CRLF1: variants seen among roughly 807,000 people sequenced by gnomAD.
The protein encoded by CRLF1 is cytokine receptor like factor 1.
CRLF1 carries 36 observed loss-of-function variants against 48.9 expected under a neutral mutation model. The ratio of observed to expected loss-of-function variants is 0.74; its 90% CI spans 0.56 to 0.97. CRLF1 has a LOEUF of 0.97. Among genes scored for constraint, CRLF1 ranks in the 50% least tolerant of loss-of-function variants. The probability of loss-of-function intolerance (pLI) is 0.00; values close to 1 mark genes in which losing one functional copy is unlikely to be tolerated. For synonymous variants in CRLF1, 256 were observed against 253.4 expected (o/e 1.01, Z -0.10); for missense variants, 534 against 575.1 (o/e 0.93, Z 0.73).
Position 18,593,594 on chromosome 19 carries a change from G to A in CRLF1, c.1256-15C>T, listed in dbSNP as rs776903837. The A allele has an allele frequency of 2.5e-6, 4 of 1,604,688 alleles. No individual in the cohort carries two copies. In the South Asian group the frequency reaches 3.4e-5, roughly 13 times the overall value. On this transcript the variant is annotated splice_polypyrimidine_tract_variant and intron_variant, in intron 8 of 8. Coordinates refer to ENST00000392386, the MANE Select transcript of CRLF1 (RefSeq NM_004750.5). ...TCTGGCAGGACCTGCAGGCAGAGGG[G>A]AAGCCAAGCTAAGCAGGGAGTCCAG... is the stretch of plus-strand genomic sequence containing the variant.
intron 4 of CRLF1, 113 bp from the exon 5 acceptor site, chr19:18,597,162 C>G (rs1976150394): frequency 3.4e-6 from 4 of 1,173,312 alleles, no homozygotes; most frequent in Non-Finnish European, 4.8e-6. Flanking sequence ...TTTTCCTCCT[C>G]TTCCCTCTGC....
intron 6 of CRLF1, 118 bp downstream of exon 6, chr19:18,596,504 T>C (rs1266914506): frequency 3.2e-6 from 4 of 1,250,334 alleles, no homozygotes; most frequent in African/African-American, 1.5e-5. Flanking sequence ...CACACCACTA[T>C]GCGACAGAAT....
At chr19:18,604,253 C>T (rs1467020632) in intron 1 of CRLF1, among the ~76,000 whole-genome samples, 2 of 152,126 alleles carry the variant, frequency 1.3e-5, no homozygotes, top group African/African-American at 2.4e-5. Context: ...GCTGCCCTCC[C>T]GGGGCTGGGC....
In CRLF1 at chr19:18,603,852, G is replaced by A. The variant is rs1318354431; in HGVS notation, c.115+2690C>T. 3.3e-5 allele frequency among the ~76,000 whole-genome samples: 5 copies of A among 151,418 alleles called. No individual in the cohort carries two copies. The South Asian group carries it at 8.4e-4, about 25-fold the overall frequency. ...GTCTCCGCGTCCGTGCGAAGGAGCCGGCTGAGCGGGCCAGAGCCGAGGAGG... is the reference window on the plus strand; with the variant it reads ...GTCTCCGCGTCCGTGCGAAGGAGCCAGCTGAGCGGGCCAGAGCCGAGGAGG... On this transcript the variant is annotated intron_variant, in intron 1 of 8. Coordinates refer to ENST00000392386, the MANE Select transcript of CRLF1 (RefSeq NM_004750.5).
At position 18,606,796 on chromosome 19, in the gene CRLF1, G is replaced by A. The variant is rs1976304838; in HGVS notation, c.-140C>T. The A allele has an allele frequency of 6.9e-6, 1 of 145,424 alleles. No individual in the cohort carries two copies. The highest frequency in any genetic ancestry group is 2.5e-5 in the African/African-American group (1 of 40,612). 9.0% of individuals were successfully genotyped at this position (145,424 alleles called of 1,614,324 possible). ...GGCGCGGACGCGGAGGCCGGAGCAA[G>A]TCTGAGCAGCCGAATTGACAAGGCG... On this transcript the variant is annotated 5_prime_UTR_variant, in exon 1 of 9. Transcript: ENST00000392386. This position sits in a 1 kb window ranked among gnomAD's most constrained non-coding sequence, Gnocchi z 4.8.
chr19:18,596,662 A>G lies in CRLF1; in HGVS notation c.984T>C (p.Ser328=). The change falls in exon 6 of 9, where the codon AGT becomes AGC. Residue 328 remains serine, a synonymous_variant. Transcript: ENST00000392386. The part of the protein sequence containing the change: ...IYGSKKAGIW[S]EWSHPTAAST... ...AGGCGGCTGTGGGGTGGCTCCACTC[A>G]CTCCAGATCCCGGCTTTCTTGGAGC... 6.2e-7 allele frequency: 1 copy of G among 1,613,882 alleles called. No homozygotes were observed. Among genetic ancestry groups the G allele is most frequent in the Non-Finnish European group, 8.5e-7 (1 of 1,179,974 alleles).
chr19:18,594,032 T>TTTGGGG, intron 8 of CRLF1, 33 bp downstream of exon 8: 2 of 695,800 alleles, frequency 2.9e-6, no homozygotes, highest in Non-Finnish European at 4.4e-6. Context: ...CTCCCCTTGC[T>TTTGGGG]CCCTCCCGCC....
intron 1 of CRLF1, among the ~76,000 whole-genome samples, chr19:18,603,177 C>A (rs1263677394): frequency 6.6e-6 from 1 of 152,240 alleles, no homozygotes; most frequent in Non-Finnish European, 1.5e-5. Context: ...CCAAGACACA[C>A]AAAAGTCCTG....
Position 18,594,282 on chromosome 19 carries a change from C to T in CRLF1, c.1177G>A (p.Ala393Thr). Residue 393 changes from alanine to threonine, a missense_variant, in exon 7 of 9, where the codon GCC (alanine) becomes ACC (threonine). Physicochemically the swap from Ala to Thr is moderately conservative, Grantham distance 58 (BLOSUM62 0). Around this residue, in one of 2 missense-constraint regions of CRLF1, gnomAD observed 528 missense variants for 555.7 expected, o/e 0.95. Coordinates refer to ENST00000392386, the MANE Select transcript of CRLF1 (RefSeq NM_004750.5). ...GTCTTGTGCGACTTCTGCATCCAGGCTCGCCACTGGTCGTAGAGGCGGAAG... is the reference window on the plus strand; with the variant it reads ...GTCTTGTGCGACTTCTGCATCCAGGTTCGCCACTGGTCGTAGAGGCGGAAG... Reference protein sequence around the residue: ...LSFRLYDQWRAWMQKSHKTRN... With the variant: ...LSFRLYDQWRTWMQKSHKTRN... 1 of 1,612,618 alleles carries T rather than the reference C, an allele frequency of 6.2e-7. No homozygotes were observed. The highest frequency in any genetic ancestry group is 8.5e-7 in the Non-Finnish European group (1 of 1,179,908).
chr19:18,601,712 C>T (rs534793511), intron 1 of CRLF1, among the ~76,000 whole-genome samples: 1 of 152,306 alleles, frequency 6.6e-6, no homozygotes, highest in East Asian at 1.9e-4. Context: ...CCTAACAGCA[C>T]CATTTATTGA....
chr19:18,600,844 G>C (rs948712294), intron 1 of CRLF1, among the ~76,000 whole-genome samples: 4 of 148,794 alleles, frequency 2.7e-5, no homozygotes, highest in Admixed American at 2.0e-4. Context: ...CACTCTGTTG[G>C]CCAGGCTGGA....
intron 1 of CRLF1, among the ~76,000 whole-genome samples, chr19:18,604,180 G>A (rs1976258173): frequency 6.6e-6 from 1 of 152,122 alleles, no homozygotes; most frequent in African/African-American, 2.4e-5. Flanking sequence ...TGGCTGGGGG[G>A]CGCTGCCCCT....
Position 18,594,392 on chromosome 19 carries a change from CCGCCCCGCGGTTCGCA to C in CRLF1, c.1051_1066del (p.Cys351GlufsTer70). On this transcript the variant is annotated frameshift_variant, in exon 7 of 9. Transcript: ENST00000392386. LOFTEE classifies it high-confidence loss of function. ...CCGCACCGGCCCCGAGCTCGGCTCTCCGCCCCGCGGTTCGCACGCCCCGCCGCCCGGGCCCGGGCGC... is the reference window on the plus strand; with the variant it reads ...CCGCACCGGCCCCGAGCTCGGCTCTCCGCCCCGCCGCCCGGGCCCGGGCGC... 6.3e-7 allele frequency: 1 copy of C among 1,585,398 alleles called. No individual in the cohort carries two copies. Among genetic ancestry groups the C allele is most frequent in the Non-Finnish European group, 8.6e-7 (1 of 1,164,834 alleles).
chr19:18,598,662 A>G lies in CRLF1; in HGVS notation c.528-61T>C, dbSNP rs1236645588. 18 of 1,613,490 alleles carry G rather than the reference A, an allele frequency of 1.1e-5. No homozygotes were observed. The South Asian group carries it at 1.6e-4, about 15-fold the overall frequency. Reference sequence around the variant, plus strand: ...TTCCTTGTGGCCCCCAGACCTCACCATGGCAGCCTCAGGGTGCAGACAACA... The same window carrying G: ...TTCCTTGTGGCCCCCAGACCTCACCGTGGCAGCCTCAGGGTGCAGACAACA... On this transcript the variant is annotated intron_variant, in intron 3 of 8. Coordinates refer to ENST00000392386, the MANE Select transcript of CRLF1 (RefSeq NM_004750.5).
At chr19:18,595,646 A>G (rs150672887) in intron 6 of CRLF1, among the ~76,000 whole-genome samples, 283 of 152,340 alleles carry the variant, frequency 1.9e-3, no homozygotes, top group African/African-American at 5.4e-3. Context: ...ACTTGCCACA[A>G]ATTATGTCAT....
In CRLF1 at chr19:18,597,142, C is replaced by G. The variant is rs542145297; in HGVS notation, c.698-93G>C. On this transcript the variant is annotated intron_variant, in intron 4 of 8. Transcript: ENST00000392386. ...CCCAGGGCACTTGGCCTAGATGGAA[C>G]CTGCCTCTGTTTTCCTCCTCTTCCC... 5.0e-6 allele frequency: 7 copies of G among 1,402,960 alleles called. No individual in the cohort carries two copies. The African/African-American group carries it at 8.6e-5, about 17-fold the overall frequency. The allele number at this position is 1,402,960 out of a possible 1,614,324, so 86.9% of individuals were successfully genotyped here.
At chr19:18,605,521 CTGTGGGA>C (rs895748302) in intron 1 of CRLF1, among the ~76,000 whole-genome samples, 52 of 152,304 alleles carry the variant, frequency 3.4e-4, no homozygotes, top group Non-Finnish European at 4.6e-4. Context: ...GTCGCCTCCC[CTGTGGGA>C]TGTGTGTGAC....
At chr19:18,594,032 T>TTGCGCCA in intron 8 of CRLF1, 33 bp downstream of exon 8, 1 of 695,814 alleles carries the variant, frequency 1.4e-6, no homozygotes, top group Non-Finnish European at 2.2e-6. Context: ...CTCCCCTTGC[T>TTGCGCCA]CCCTCCCGCC....
Position 18,605,660 on chromosome 19 carries a change from C to G in CRLF1, c.115+882G>C, listed in dbSNP as rs1327884599. On this transcript the variant is annotated intron_variant, in intron 1 of 8. Coordinates refer to ENST00000392386, the MANE Select transcript of CRLF1 (RefSeq NM_004750.5). ...TGACGGGCCACAAGCCAGTGTGATT[C>G]TTTGTGTGTCTCTGGGTGTGTCCCA... Among the ~76,000 whole-genome samples, 4 of 152,220 alleles carry G rather than the reference C, an allele frequency of 2.6e-5. No homozygotes were observed. In the East Asian group the frequency reaches 5.8e-4, roughly 22 times the overall value.
Sources: allele counts gnomAD v4.1 joint callset (sites outside exome capture counted in the v4.1 genomes callset), GRCh38; gene constraint gnomAD v4.1.1; regional missense constraint gnomAD v4.1.1; non-coding constraint Gnocchi (gnomAD v3.1); transcripts MANE v1.5; gene names NCBI Gene and HGNC (gene_info 2026-07-23, HGNC 2026-07-21).